Variants in CREB5 observed in about 807,000 individuals in gnomAD.
CREB5 encodes the protein cAMP responsive element binding protein 5.
CREB5 carries 19 observed loss-of-function variants against 57.1 expected under a neutral mutation model. The observed-to-expected ratio is 0.33, with a 90% confidence interval of 0.23 to 0.49. The LOEUF (loss-of-function observed/expected upper bound fraction) is 0.49. CREB5 is among the 20% of genes least tolerant of loss of function. CREB5 has a pLI of 0.99. For missense variants in CREB5, 579 were observed against 671.6 expected, an observed-to-expected ratio of 0.86 and a Z score of 1.52; for synonymous variants, 238 against 238.3, an observed-to-expected ratio of 1.00 and a Z score of 0.01.
At chr7:28,434,281 T>C (rs1180153684) in intron 1 of CREB5, among the ~76,000 whole-genome samples, 1 of 152,198 alleles carries the variant, frequency 6.6e-6, no homozygotes, top group Non-Finnish European at 1.5e-5. Flanking sequence ...TTAATTATTC[T>C]TGGAAAATTC....
At chr7:28,783,765 G>A (rs1167484294) in intron 7 of CREB5, among the ~76,000 whole-genome samples, 2 of 152,124 alleles carry the variant, frequency 1.3e-5, no homozygotes, top group Non-Finnish European at 2.9e-5. Flanking sequence ...CTCATCCACT[G>A]CATGGGAATT....
intron 2 of CREB5, among the ~76,000 whole-genome samples, chr7:28,492,045 G>A (rs953290907): frequency 5.3e-5 from 8 of 152,108 alleles, no homozygotes; most frequent in Non-Finnish European, 1.2e-4. Context: ...TGTCGCCCAG[G>A]CTGGAGTGCA....
chr7:28,617,732 G>C (rs753942510), intron 5 of CREB5, among the ~76,000 whole-genome samples: 4 of 152,148 alleles, frequency 2.6e-5, no homozygotes, highest in Non-Finnish European at 5.9e-5. Context: ...CAACCTTAAA[G>C]AATAATAGAG....
intron 7 of CREB5, among the ~76,000 whole-genome samples, chr7:28,781,433 C>T (rs757058549): frequency 7.9e-5 from 12 of 152,102 alleles, no homozygotes; most frequent in South Asian, 2.1e-4. Context: ...GCAATGTTTC[C>T]GTTTTCAAAG....
chr7:28,714,764 G>A (rs192936678), intron 5 of CREB5, among the ~76,000 whole-genome samples: 120 of 152,294 alleles, frequency 7.9e-4, no homozygotes, highest in Non-Finnish European at 1.1e-3. Flanking sequence ...CTGTCAAGTT[G>A]GAAAACTCTT....
At chr7:28,686,390 G>A (rs769340457) in intron 5 of CREB5, among the ~76,000 whole-genome samples, 10 of 150,870 alleles carry the variant, frequency 6.6e-5, no homozygotes, top group East Asian at 1.9e-4. Flanking sequence ...CTTCTTGCCC[G>A]AAGAGGCATT....
chr7:28,552,801 A>C (rs6964355), intron 4 of CREB5, among the ~76,000 whole-genome samples: 10,774 of 152,238 alleles, frequency 0.071, 1,247 homozygotes, highest in African/African-American at 0.24. Context: ...TTGTCCCAGG[A>C]CAAGGTTGAA....
At chr7:28,319,469 G>C (rs374783730) in intron 1 of CREB5, among the ~76,000 whole-genome samples, 4 of 152,312 alleles carry the variant, frequency 2.6e-5, no homozygotes, top group Admixed American at 6.5e-5. Flanking sequence ...CCTAGTGGAA[G>C]TATTTTCTTT....
chr7:28,572,959 G>C (rs573438806), intron 5 of CREB5, among the ~76,000 whole-genome samples: 3 of 152,164 alleles, frequency 2.0e-5, no homozygotes, highest in Admixed American at 2.0e-4. Context: ...CAAGCCCGAG[G>C]GAGGCTATTT....
intron 4 of CREB5, among the ~76,000 whole-genome samples, chr7:28,560,867 TGCGTGCGCGTGCGTGC>T (rs1795120581): frequency 5.9e-4 from 13 of 22,066 alleles, no homozygotes; most frequent in African/African-American, 3.2e-3. Flanking sequence ...TGCGTGTGCC[TGCGTGCGCGTGCGTGC>T]GTGCGTGTGT....
Position 28,718,815 on chromosome 7 carries a change from C to T in CREB5, c.527C>T (p.Pro176Leu). 1 of 1,614,148 alleles carries T rather than the reference C, an allele frequency of 6.2e-7. No homozygotes were observed. Among genetic ancestry groups the T allele is most frequent in the Non-Finnish European group, 8.5e-7 (1 of 1,179,980 alleles). Reference protein sequence around the residue: ...HLHNRQRQPMPASMPGTLPNP... With the variant: ...HLHNRQRQPMLASMPGTLPNP... ...CACAACAGACAGAGACAGCCCATGCCAGCCTCCATGCCTGGGACCCTGCCC... is the reference window on the plus strand; with the variant it reads ...CACAACAGACAGAGACAGCCCATGCTAGCCTCCATGCCTGGGACCCTGCCC... Residue 176 changes from proline to leucine, a missense_variant, in exon 6 of 11, where the codon CCA becomes CTA. By Grantham distance (98) the Pro-to-Leu change is moderately conservative. Coordinates refer to ENST00000357727, the MANE Select transcript of CREB5 (RefSeq NM_182898.4).
chr7:28,409,622 G>C, upstream of CREB5: 1 of 255,400 alleles, frequency 3.9e-6, no homozygotes, highest in South Asian at 3.5e-5. This position sits in a 1 kb window ranked among gnomAD's most constrained non-coding sequence, Gnocchi z 4.4. Flanking sequence ...TTTTTCTGGA[G>C]GGTGATCTGT....
At chr7:28,659,361 C>T (rs1799498578) in intron 5 of CREB5, among the ~76,000 whole-genome samples, 1 of 152,102 alleles carries the variant, frequency 6.6e-6, no homozygotes, top group African/African-American at 2.4e-5. Flanking sequence ...AAAGAGGCAA[C>T]AAAGCATTTT....
intron 4 of CREB5, among the ~76,000 whole-genome samples, chr7:28,542,431 A>G (rs772765561): frequency 6.6e-6 from 1 of 152,214 alleles, no homozygotes; most frequent in South Asian, 2.1e-4. Context: ...CTTTATGTCT[A>G]GAAGGTGGTA....
chr7:28,795,592 A>T (rs931212367), intron 7 of CREB5, among the ~76,000 whole-genome samples: 2 of 152,348 alleles, frequency 1.3e-5, no homozygotes, highest in East Asian at 3.9e-4. Context: ...AGTGTTTCGC[A>T]TAAGGTGGCA....
At chr7:28,481,867 C>A (rs1414328810) in intron 1 of CREB5, among the ~76,000 whole-genome samples, 1 of 152,002 alleles carries the variant, frequency 6.6e-6, no homozygotes, top group African/African-American at 2.4e-5. Flanking sequence ...AGGGAAGATG[C>A]CCACAGAAAG....
At chr7:28,488,703 C>A (rs1791675354) in intron 2 of CREB5, among the ~76,000 whole-genome samples, 1 of 152,198 alleles carries the variant, frequency 6.6e-6, no homozygotes, top group Non-Finnish European at 1.5e-5. Context: ...CCCAAACTCC[C>A]TATAACTCTT....
intron 5 of CREB5, among the ~76,000 whole-genome samples, chr7:28,650,974 G>A (rs73081876): frequency 0.047 from 7,215 of 152,150 alleles, 300 homozygotes; most frequent in East Asian, 0.21. Flanking sequence ...GTAACAGAAC[G>A]CCTTTTACAG....
chr7:28,533,137 C>T (rs951289691), intron 4 of CREB5, among the ~76,000 whole-genome samples: 10 of 151,886 alleles, frequency 6.6e-5, no homozygotes, highest in Admixed American at 2.6e-4. Flanking sequence ...CACTGGAAGG[C>T]GGAGGTAGCA....
Sources: gnomAD v4.1 joint callset for allele counts (sites outside exome capture counted in the v4.1 genomes callset) on GRCh38, gnomAD v4.1.1 for gene constraint, Gnocchi (gnomAD v3.1) non-coding constraint, MANE v1.5 for transcripts, NCBI Gene and HGNC (gene_info 2026-07-23, HGNC 2026-07-21) for gene names.